Variants in CDK19 observed in about 807,000 individuals in gnomAD.
CDK19 encodes cyclin-dependent kinase 19.
CDK19 carries 20 observed loss-of-function variants against 68.3 expected under a neutral mutation model. The observed-to-expected ratio is 0.29, with a 90% CI of 0.21 to 0.43. The LOEUF is 0.43. Ranked by LOEUF, CDK19 falls within the 20% of genes least tolerant of loss-of-function variation. The pLI, the probability that CDK19 is intolerant of heterozygous loss-of-function variation, is 1.00. For synonymous variants in CDK19, 221 were observed against 222.8 expected, an observed-to-expected ratio of 0.99 and a Z score of 0.07; for missense variants, 339 against 623.5, an observed-to-expected ratio of 0.54 and a Z score of 4.86.
intron 2 of CDK19, among the ~76,000 whole-genome samples, chr6:110,740,607 T>G (rs952361756): frequency 1.5e-4 from 23 of 152,306 alleles, no homozygotes; most frequent in Middle Eastern, 3.4e-3. Context: ...TACAAGCTCT[T>G]TAACTTATTT....
At chr6:110,629,951 A>T (rs530323209) in intron 6 of CDK19, among the ~76,000 whole-genome samples, 1 of 152,348 alleles carries the variant, frequency 6.6e-6, no homozygotes, top group African/African-American at 2.4e-5. Context: ...TACCCTGAGG[A>T]AATAAGAAGT....
chr6:110,667,283 T>C, intron 4 of CDK19, 151 bp downstream of exon 4: 1 of 530,676 alleles, frequency 1.9e-6, no homozygotes, highest in Non-Finnish European at 3.2e-6. Context: ...TTATTATAGG[T>C]TTATGGGTGA....
chr6:110,742,826 C>T (rs988843771), intron 2 of CDK19, among the ~76,000 whole-genome samples: 4 of 152,172 alleles, frequency 2.6e-5, no homozygotes, highest in Non-Finnish European at 5.9e-5. Context: ...CAAGACAATA[C>T]GTGCACAGCG....
At chr6:110,810,773 CAAAAAAAAAAAA>C (rs1303701002) in intron 1 of CDK19, among the ~76,000 whole-genome samples, 2 of 122,498 alleles carry the variant, frequency 1.6e-5, no homozygotes, top group Non-Finnish European at 3.5e-5. Context: ...AACTCCATCT[CAAAAAAAAAAAA>C]GAAAAGAAAA....
chr6:110,746,059 T>C, intron 2 of CDK19, 67 bp downstream of exon 2: 1 of 778,912 alleles, frequency 1.3e-6, no homozygotes, highest in Non-Finnish European at 2.0e-6. Flanking sequence ...AATGAAACTT[T>C]TATATTAAAA....
intron 1 of CDK19, among the ~76,000 whole-genome samples, chr6:110,775,998 T>G (rs1780369286): frequency 6.6e-6 from 1 of 152,214 alleles, no homozygotes; most frequent in Non-Finnish European, 1.5e-5. Flanking sequence ...ACCTTCACCA[T>G]CTCTCAGATT....
chr6:110,780,416 GT>G (rs1780725553), intron 1 of CDK19, among the ~76,000 whole-genome samples: 1 of 148,810 alleles, frequency 6.7e-6, no homozygotes, highest in Non-Finnish European at 1.5e-5. Flanking sequence ...AAGTCACACT[GT>G]TGCCTTCATT....
chr6:110,777,243 A>G lies in CDK19; in HGVS notation c.129-31042T>C, dbSNP rs553810029. Among the ~76,000 whole-genome samples, 69 of 152,340 alleles carry G rather than the reference A, an allele frequency of 4.5e-4. 1 individual carries two copies. The highest frequency in any genetic ancestry group is 2.6e-4 in the Admixed American group (4 of 15,300). On this transcript the variant is annotated intron_variant, in intron 1 of 12. Transcript: ENST00000368911. ...AGAAATGTGATATGAAACTAAAAGA[A>G]TTAGAACTTTTTCAAAACAAAAGGC...
At chr6:110,649,387 T>C (rs1439274601) in intron 4 of CDK19, among the ~76,000 whole-genome samples, 2 of 151,984 alleles carry the variant, frequency 1.3e-5, no homozygotes, top group Non-Finnish European at 2.9e-5. Flanking sequence ...AAAAAGTAAA[T>C]GTGAAAAAGC....
At chr6:110,646,314 C>G in intron 4 of CDK19, 1 of 1,489,402 alleles carries the variant, frequency 6.7e-7, no homozygotes, top group Non-Finnish European at 8.9e-7. Context: ...CAGCGACTAC[C>G]TGCGCGAACG....
chr6:110,709,840 T>C (rs1406768609), intron 2 of CDK19, among the ~76,000 whole-genome samples: 1 of 152,180 alleles, frequency 6.6e-6, no homozygotes, highest in Non-Finnish European at 1.5e-5. Context: ...AAAATATATA[T>C]ACAAGGGTAG....
At chr6:110,691,420 G>A (rs1353748222) in intron 2 of CDK19, among the ~76,000 whole-genome samples, 2 of 151,544 alleles carry the variant, frequency 1.3e-5, no homozygotes, top group Non-Finnish European at 2.9e-5. Context: ...GTTGCAGTGA[G>A]CTGAGATCAT....
chr6:110,791,299 A>T (rs1272391633), intron 1 of CDK19, among the ~76,000 whole-genome samples: 1 of 152,114 alleles, frequency 6.6e-6, no homozygotes, highest in African/African-American at 2.4e-5. Context: ...AAAATGTAGA[A>T]CAGTGATTTT....
At chr6:110,729,873 T>C (rs1160892218) in intron 2 of CDK19, among the ~76,000 whole-genome samples, 2 of 152,138 alleles carry the variant, frequency 1.3e-5, no homozygotes, top group Non-Finnish European at 2.9e-5. Context: ...GCCTCCCAAG[T>C]AGCCAGGACT....
intron 4 of CDK19, among the ~76,000 whole-genome samples, chr6:110,662,093 C>G (rs148570035): frequency 0.028 from 4,234 of 152,214 alleles, 84 homozygotes; most frequent in South Asian, 0.083. Flanking sequence ...CCTCAGCCTC[C>G]CGAGTAGCTG....
intron 4 of CDK19, among the ~76,000 whole-genome samples, chr6:110,648,530 TTTC>T (rs1318681745): frequency 6.8e-6 from 1 of 146,860 alleles, no homozygotes. Flanking sequence ...TGAAATCTTT[TTTC>T]TTTTCTTTTT....
intron 2 of CDK19, among the ~76,000 whole-genome samples, chr6:110,701,190 C>T (rs979700547): frequency 1.3e-5 from 2 of 150,794 alleles, no homozygotes; most frequent in African/African-American, 2.4e-5. Flanking sequence ...GGTGACAGAG[C>T]GAGACTCCAT....
chr6:110,684,601 T>TG (rs1772298217), intron 2 of CDK19, among the ~76,000 whole-genome samples: 1 of 152,178 alleles, frequency 6.6e-6, no homozygotes, highest in East Asian at 1.9e-4. Context: ...ATCTTACCCA[T>TG]GGACCTGAGC....
At chr6:110,696,428 AAACTGG>A (rs1168592519) in intron 2 of CDK19, among the ~76,000 whole-genome samples, 1 of 152,218 alleles carries the variant, frequency 6.6e-6, no homozygotes, top group African/African-American at 2.4e-5. Context: ...TTTCCACTGA[AAACTGG>A]AACAAGACAA....
Sources: gnomAD v4.1 joint callset for allele counts (sites outside exome capture counted in the v4.1 genomes callset) on GRCh38, gnomAD v4.1.1 for gene constraint, MANE v1.5 for transcripts, NCBI Gene and HGNC (gene_info 2026-07-23, HGNC 2026-07-21) for gene names.